Variants in SAMM50 observed in about 807,000 individuals in gnomAD.
SAMM50 encodes SAMM50 sorting and assembly machinery component, also known as sorting and assembly machinery component 50 homolog.
A neutral mutation model predicts 66.9 loss-of-function variants in SAMM50; 47 were observed. The ratio of observed to expected loss-of-function variants is 0.70; its 90% CI spans 0.56 to 0.90. The LOEUF (loss-of-function observed/expected upper bound fraction) is 0.90, where lower values mean the gene tolerates loss of function less well. Among genes scored for constraint, SAMM50 ranks in the 40% least tolerant of loss-of-function variants. SAMM50 has a pLI of 0.00. For missense variants in SAMM50, 535 were observed against 595.3 expected (o/e 0.90, Z 1.05); for synonymous variants, 191 against 214.1 (o/e 0.89, Z 0.94).
intron 3 of SAMM50, among the ~76,000 whole-genome samples, chr22:43,968,239 AAAAAAAAAG>A (rs2050184203): frequency 6.8e-6 from 1 of 146,020 alleles, no homozygotes; most frequent in Non-Finnish European, 1.5e-5. Context: ...AAAAAAAAAA[AAAAAAAAAG>A]AAAAAAGAAA....
intron 1 of SAMM50, among the ~76,000 whole-genome samples, chr22:43,959,208 G>A (rs564648626): frequency 6.6e-6 from 1 of 151,860 alleles, no homozygotes; most frequent in Non-Finnish European, 1.5e-5. Context: ...TACCTGAGAT[G>A]GGGTTTCACC....
intron 1 of SAMM50, among the ~76,000 whole-genome samples, chr22:43,961,995 TG>T (rs1359934479): frequency 6.6e-6 from 1 of 152,158 alleles, no homozygotes; most frequent in African/African-American, 2.4e-5. Context: ...TGTGTGTGTG[TG>T]TGTCTGTGTG....
chr22:43,964,440 T>C lies in SAMM50; in HGVS notation c.133-12T>C. On this transcript the variant is annotated splice_polypyrimidine_tract_variant and intron_variant, in intron 2 of 14. Transcript: ENST00000350028. ...CATGTCATCCCTAATACTGTCCCTG[T>C]GTGACTTTTAGGTGGTTGTTCAACA... 6.8e-7 allele frequency: 1 copy of C among 1,475,214 alleles called. No homozygotes were observed. The highest frequency in any genetic ancestry group is 9.5e-7 in the Non-Finnish European group (1 of 1,053,754). The allele number at this position is 1,475,214 out of a possible 1,614,324, so 91.4% of individuals were successfully genotyped here.
intron 14 of SAMM50, among the ~76,000 whole-genome samples, chr22:43,992,485 C>T (rs1347397843): frequency 6.6e-6 from 1 of 152,238 alleles, no homozygotes; most frequent in East Asian, 1.9e-4. Flanking sequence ...CCACGCCTCT[C>T]CTGTTCTCCA....
rs1359011868 is a variant in SAMM50 at position 43,964,497 on chromosome 22, G to A, written c.178G>A (p.Asp60Asn). The A allele has an allele frequency of 6.2e-7, 1 of 1,612,930 alleles. No homozygotes were observed. The highest frequency in any genetic ancestry group is 1.3e-5 in the African/African-American group (1 of 74,910). The change falls in exon 3 of 15, where the codon GAT (aspartate) becomes AAT (asparagine). Residue 60 changes from aspartate (D) to asparagine (N), a missense_variant. By Grantham distance (23) the Asp-to-Asn change is conservative. Transcript: ENST00000350028. ...VHFDGLGRTK[D>N]DIIICEIGDV... ...TTTTGATGGACTTGGAAGGACTAAA[G>A]ATGATATCATCATTTGTGAAATTGG...
At chr22:43,979,253 G>A (rs1211003336) in intron 10 of SAMM50, among the ~76,000 whole-genome samples, 1 of 152,184 alleles carries the variant, frequency 6.6e-6, no homozygotes, top group Non-Finnish European at 1.5e-5. Context: ...TGCTGCCTGT[G>A]TGTAGCAACT....
At chr22:43,970,570 G>A (rs957057125) in intron 4 of SAMM50, among the ~76,000 whole-genome samples, 51 of 152,304 alleles carry the variant, frequency 3.3e-4, no homozygotes, top group African/African-American at 1.2e-3. Flanking sequence ...GTGCAGGGGA[G>A]GCTGGGAAGT....
chr22:43,963,991 T>G (rs753392804), intron 2 of SAMM50, among the ~76,000 whole-genome samples: 2 of 152,070 alleles, frequency 1.3e-5, no homozygotes, highest in Non-Finnish European at 2.9e-5. Flanking sequence ...CATTGCAACC[T>G]CTGTCTCTTG....
At chr22:43,968,251 A>G (rs1208580602) in intron 3 of SAMM50, among the ~76,000 whole-genome samples, 2 of 149,136 alleles carry the variant, frequency 1.3e-5, no homozygotes, top group South Asian at 4.2e-4. Flanking sequence ...AAAAAAAGAA[A>G]AAAGAAAAAA....
intron 7 of SAMM50, among the ~76,000 whole-genome samples, 170 bp downstream of exon 7, chr22:43,973,493 G>C (rs1289467653): frequency 6.6e-6 from 1 of 152,196 alleles, no homozygotes; most frequent in East Asian, 1.9e-4. Context: ...AGGCTACAGG[G>C]ACCCGAGAGT....
intron 12 of SAMM50, chr22:43,987,065 T>C (rs936597092): frequency 1.3e-5 from 2 of 152,132 alleles, no homozygotes; most frequent in African/African-American, 4.8e-5. Flanking sequence ...ATATGCCGAG[T>C]CTATGAGAGC....
At chr22:43,989,826 T>C (rs1391994222) in intron 13 of SAMM50, among the ~76,000 whole-genome samples, 2 of 152,138 alleles carry the variant, frequency 1.3e-5, no homozygotes, top group Non-Finnish European at 2.9e-5. Context: ...AAACAAGTCA[T>C]GATGGCCACA....
At chr22:43,973,893 G>A (rs776632437) in intron 7 of SAMM50, among the ~76,000 whole-genome samples, 1 of 152,176 alleles carries the variant, frequency 6.6e-6, no homozygotes, top group African/African-American at 2.4e-5. Context: ...GATTACAGGT[G>A]TGAGCCACTG....
At chr22:43,990,574 T>C (rs2050318513) in intron 14 of SAMM50, among the ~76,000 whole-genome samples, 168 bp downstream of exon 14, 1 of 152,232 alleles carries the variant, frequency 6.6e-6, no homozygotes, top group Non-Finnish European at 1.5e-5. Flanking sequence ...TGCGTTTTTC[T>C]CCATCTAGCT....
At chr22:43,970,137 C>T (rs117720084) in intron 4 of SAMM50, among the ~76,000 whole-genome samples, 1 of 152,252 alleles carries the variant, frequency 6.6e-6, no homozygotes, top group East Asian at 1.9e-4. Flanking sequence ...GAGAAGTCTC[C>T]ATCTCTCCAC....
chr22:43,963,241 A>G, intron 1 of SAMM50, 45 bp from the exon 2 acceptor site: 2 of 1,208,802 alleles, frequency 1.7e-6, no homozygotes, highest in Non-Finnish European at 2.4e-6. Context: ...GTGTGTGTAT[A>G]TATGTGACAA....
intron 9 of SAMM50, 145 bp from the exon 10 acceptor site, chr22:43,977,727 G>C: frequency 1.7e-6 from 1 of 576,232 alleles, no homozygotes; most frequent in South Asian, 2.0e-5. Flanking sequence ...CAACAATTAG[G>C]ATGTGGCTTC....
chr22:43,990,530 G>T, intron 14 of SAMM50, 124 bp downstream of exon 14: 1 of 1,025,030 alleles, frequency 9.8e-7, no homozygotes, highest in Non-Finnish European at 1.4e-6. Context: ...TTAAATAGTT[G>T]CAAAATAATG....
chr22:43,983,431 C>A lies in SAMM50; in HGVS notation c.1008-502C>A, dbSNP rs1249989038. Among the ~76,000 whole-genome samples the A allele has an allele frequency of 6.6e-6, 1 of 152,174 alleles. No individual in the cohort carries two copies. Among genetic ancestry groups the A allele is most frequent in the Non-Finnish European group, 1.5e-5 (1 of 68,036 alleles). On this transcript the variant is annotated intron_variant, in intron 11 of 14. Coordinates refer to ENST00000350028, the MANE Select transcript of SAMM50 (RefSeq NM_015380.5). The surrounding 1 kb of genome is among the most constrained non-coding windows in gnomAD (Gnocchi z 4.2). ...TGTGACAATCCAGTTCATTAGGGAA[C>A]AAGAGGAGCTCATATTTAAAAATTA...
Sources: allele counts gnomAD v4.1 joint callset (sites outside exome capture counted in the v4.1 genomes callset), GRCh38; gene constraint gnomAD v4.1.1; non-coding constraint Gnocchi (gnomAD v3.1); transcripts MANE v1.5; gene names NCBI Gene and HGNC (gene_info 2026-07-23, HGNC 2026-07-21).